Variants in PUS10 observed in about 807,000 individuals in gnomAD.
PUS10 encodes the protein pseudouridine synthase 10.
In PUS10, 59 loss-of-function variants were observed where a neutral mutation model predicts 75.0. The observed-to-expected ratio is 0.79, with a 90% CI of 0.64 to 0.98. PUS10 has a LOEUF of 0.98. PUS10 is among the 50% of genes least tolerant of loss of function. The probability of loss-of-function intolerance (pLI) is 0.00; values close to 1 mark genes in which losing one functional copy is unlikely to be tolerated. For missense variants in PUS10, 650 were observed against 614.4 expected, an observed-to-expected ratio of 1.06 and a Z score of -0.61; for synonymous variants, 219 against 211.6, an observed-to-expected ratio of 1.03 and a Z score of -0.30.
At chr2:61,014,256 T>C (rs1033729014) in intron 1 of PUS10, among the ~76,000 whole-genome samples, 2 of 152,032 alleles carry the variant, frequency 1.3e-5, no homozygotes, top group Non-Finnish European at 2.9e-5. Context: ...CGTGTGCCTA[T>C]AATCCCAGCC....
intron 14 of PUS10, among the ~76,000 whole-genome samples, 194 bp from the exon 15 acceptor site, chr2:60,953,308 C>G (rs756345194): frequency 6.6e-6 from 1 of 152,176 alleles, no homozygotes; most frequent in Non-Finnish European, 1.5e-5. Context: ...TTTCATCACC[C>G]TGAAAAAGAA....
intron 4 of PUS10, among the ~76,000 whole-genome samples, chr2:61,004,406 T>C (rs1010661190): frequency 1.4e-4 from 22 of 151,858 alleles, no homozygotes; most frequent in Non-Finnish European, 1.0e-4. Context: ...GGGCAGATCA[T>C]GAGGTCAGAA....
chr2:60,998,087 G>A (rs1678597883), intron 4 of PUS10, among the ~76,000 whole-genome samples: 3 of 152,132 alleles, frequency 2.0e-5, no homozygotes, highest in Admixed American at 2.0e-4. Context: ...TATACTTAAA[G>A]TTGAGAATTT....
chr2:60,961,006 C>T (rs1331485966), intron 10 of PUS10, among the ~76,000 whole-genome samples: 2 of 152,142 alleles, frequency 1.3e-5, no homozygotes, highest in Admixed American at 6.5e-5. Flanking sequence ...AACTTTCAAA[C>T]AAAAATTTGT....
intron 1 of PUS10, among the ~76,000 whole-genome samples, chr2:61,013,150 G>C (rs556396331): frequency 6.5e-4 from 99 of 151,704 alleles, no homozygotes; most frequent in African/African-American, 2.2e-3. Context: ...CTACTCAGAA[G>C]ACCGAGGTGG....
In PUS10 at chr2:60,945,113, G is replaced by A. The variant is rs1430981862; in HGVS notation, c.1452-5C>T. On this transcript the variant is annotated splice_region_variant and splice_polypyrimidine_tract_variant and intron_variant, in intron 16 of 17. Coordinates refer to ENST00000316752, the MANE Select transcript of PUS10 (RefSeq NM_144709.4). ...TGTACAAACTCTTTAATGTAGCTGG[G>A]GTTTGTTTAAGGAAAAAATGAAGAC... is the stretch of plus-strand genomic sequence containing the variant. 4 of 1,606,486 alleles carry A rather than the reference G, an allele frequency of 2.5e-6. No homozygotes were observed. The highest frequency in any genetic ancestry group is 1.1e-5 in the South Asian group (1 of 90,888).
intron 11 of PUS10, among the ~76,000 whole-genome samples, chr2:60,957,760 G>A (rs923586220): frequency 3.9e-5 from 6 of 152,234 alleles, no homozygotes; most frequent in East Asian, 1.9e-4. Flanking sequence ...CCCTATGGCC[G>A]TGTGTCCCTG....
At chr2:60,955,951 G>C (rs112656099) in intron 11 of PUS10, among the ~76,000 whole-genome samples, 1,744 of 152,190 alleles carry the variant, frequency 0.011, 18 homozygotes, top group Non-Finnish European at 0.019. Flanking sequence ...GGAAAAAAAG[G>C]TTTGACTCTA....
chr2:60,961,283 G>A (rs1676010702), intron 10 of PUS10, among the ~76,000 whole-genome samples, 180 bp downstream of exon 10: 1 of 152,138 alleles, frequency 6.6e-6, no homozygotes, highest in African/African-American at 2.4e-5. Flanking sequence ...TCTCCTAAGT[G>A]ATCCTTTAGA....
chr2:60,993,030 T>C (rs1573482031), intron 4 of PUS10, among the ~76,000 whole-genome samples: 1 of 152,342 alleles, frequency 6.6e-6, no homozygotes, highest in East Asian at 1.9e-4. Flanking sequence ...CTCTGGAGAC[T>C]GCCATATATC....
intron 1 of PUS10, among the ~76,000 whole-genome samples, chr2:61,016,663 G>C (rs1476638040): frequency 2.6e-5 from 4 of 152,078 alleles, no homozygotes; most frequent in African/African-American, 9.7e-5. Flanking sequence ...CCAAATCAAG[G>C]ATAACTAGCC....
chr2:60,995,493 T>C (rs1268417489), intron 4 of PUS10, among the ~76,000 whole-genome samples: 1 of 152,196 alleles, frequency 6.6e-6, no homozygotes, highest in Non-Finnish European at 1.5e-5. Context: ...AACACAGTGG[T>C]GGTATCAGAA....
At chr2:60,972,115 C>T (rs1385529043) in intron 4 of PUS10, among the ~76,000 whole-genome samples, 1 of 146,288 alleles carries the variant, frequency 6.8e-6, no homozygotes. Flanking sequence ...GTGATCCGCC[C>T]ACCTCGGCCT....
chr2:61,001,496 C>T lies in PUS10; in HGVS notation c.468+5061G>A, dbSNP rs533200753. Among the ~76,000 whole-genome samples, 147 of 152,236 alleles carry T rather than the reference C, an allele frequency of 9.7e-4. 1 individual carries two copies. The highest frequency in any genetic ancestry group is 3.2e-3 in the African/African-American group (131 of 41,556). ...TTTACTATGTTGGCTAGGCTGGTCT[C>T]GAACTCCTGACCTCAGATGATCCAC... On this transcript the variant is annotated intron_variant, in intron 4 of 17. Transcript: ENST00000316752.
chr2:60,997,101 C>T (rs1678518470), intron 4 of PUS10, among the ~76,000 whole-genome samples: 1 of 152,202 alleles, frequency 6.6e-6, no homozygotes, highest in African/African-American at 2.4e-5. Context: ...GTTACATTCA[C>T]AGAAGCAAGT....
chr2:61,017,853 T>G, intron 1 of PUS10, 155 bp downstream of exon 1: 1 of 1,550,160 alleles, frequency 6.5e-7, no homozygotes, highest in South Asian at 1.2e-5. Context: ...CACTTTCCAG[T>G]GAGTGTGGGA....
chr2:60,940,985 T>C lies in PUS10; in HGVS notation c.*1410A>G, dbSNP rs1169153420. 3 of 152,284 alleles carry C rather than the reference T, an allele frequency of 2.0e-5. No homozygotes were observed. The South Asian group carries it at 6.2e-4, about 32-fold the overall frequency. The allele number at this position is 152,284 out of a possible 1,614,324, so 9.4% of individuals were successfully genotyped here. A position where few individuals can be genotyped will look rare whatever the true frequency, so the allele number is the denominator to read the frequency against. ...GTCCATTAAAACCATTTTCCTCATATCTAAAGTGAATCTTGGTATCTGTGA... is the reference window on the plus strand; with the variant it reads ...GTCCATTAAAACCATTTTCCTCATACCTAAAGTGAATCTTGGTATCTGTGA... On this transcript the variant is annotated 3_prime_UTR_variant, in exon 18 of 18. Transcript: ENST00000316752.
At position 61,007,779 on chromosome 2, in the gene PUS10, A is replaced by AAAG. The variant is rs931260074; in HGVS notation, c.381+981_381+982insCTT. Among the ~76,000 whole-genome samples the AAAG allele has an allele frequency of 7.9e-5, 12 of 151,028 alleles. 1 individual carries two copies. The highest frequency in any genetic ancestry group is 1.6e-4 in the Non-Finnish European group (11 of 67,784). On this transcript the variant is annotated intron_variant, in intron 3 of 17. Coordinates refer to ENST00000316752, the MANE Select transcript of PUS10 (RefSeq NM_144709.4). Reference sequence around the variant, plus strand: ...AGCCAAACTCTGTCTCAAAAAAAAAAAAAAACAGAAAAAAAAAAGAATTTG... The same window carrying AAAG: ...AGCCAAACTCTGTCTCAAAAAAAAAAAAGAAAAACAGAAAAAAAAAAGAATTTG...
chr2:60,991,868 T>C (rs1035396539), intron 4 of PUS10, among the ~76,000 whole-genome samples: 1 of 152,086 alleles, frequency 6.6e-6, no homozygotes, highest in Non-Finnish European at 1.5e-5. Context: ...GGAAAAGTCA[T>C]TGTGCACAGA....
Sources: allele counts gnomAD v4.1 joint callset (sites outside exome capture counted in the v4.1 genomes callset), GRCh38; gene constraint gnomAD v4.1.1; transcripts MANE v1.5; gene names NCBI Gene and HGNC (gene_info 2026-07-23, HGNC 2026-07-21).